The following MEIS1 variants were observed in gnomAD, a reference collection of about 807,000 sequenced individuals.
MEIS1 encodes homeobox protein Meis1.
MEIS1 carries 5 observed loss-of-function variants against 50.8 expected under a neutral mutation model. The observed-to-expected ratio is 0.10, with a 90% CI of 0.05 to 0.21. The LOEUF (loss-of-function observed/expected upper bound fraction) is 0.21, where lower values mean the gene tolerates loss of function less well. Among genes scored for constraint, MEIS1 ranks in the 10% least tolerant of loss-of-function variants. The pLI is 1.00. For synonymous variants in MEIS1, 176 were observed against 179.3 expected (o/e 0.98, Z 0.15); for missense variants, 318 against 517.3 (o/e 0.61, Z 3.74).
At chr2:66,439,602 G>A (rs1362040205) in intron 2 of MEIS1, 4 of 1,536,390 alleles carry the variant, frequency 2.6e-6, no homozygotes, top group East Asian at 2.4e-5. Context: ...GGCCAGATAC[G>A]CTAAACCGAT....
At chr2:66,550,600 A>T (rs1240046724) in intron 9 of MEIS1, among the ~76,000 whole-genome samples, 1 of 151,918 alleles carries the variant, frequency 6.6e-6, no homozygotes, top group Non-Finnish European at 1.5e-5. Flanking sequence ...TAGCTCAAGT[A>T]ATCCTCCTGA....
At chr2:66,509,245 T>C (rs1290814878) in intron 7 of MEIS1, 5 of 343,376 alleles carry the variant, frequency 1.5e-5, no homozygotes, top group African/African-American at 1.1e-4. Flanking sequence ...GCTTTTAGAA[T>C]AGTCTGTTTT....
chr2:66,510,545 A>G (rs1296547310), intron 7 of MEIS1, among the ~76,000 whole-genome samples: 4 of 152,216 alleles, frequency 2.6e-5, no homozygotes, highest in African/African-American at 9.6e-5. Context: ...CAGATTTTTA[A>G]TGAATAAAAG....
intron 9 of MEIS1, among the ~76,000 whole-genome samples, chr2:66,554,902 C>G (rs1241520675): frequency 3.9e-5 from 6 of 152,074 alleles, no homozygotes; most frequent in Admixed American, 3.9e-4. Context: ...AACATTATCA[C>G]AAGACATGAA....
chr2:66,462,405 G>T (rs1290092629), intron 6 of MEIS1, among the ~76,000 whole-genome samples: 2 of 152,170 alleles, frequency 1.3e-5, no homozygotes, highest in African/African-American at 2.4e-5. Context: ...CACATGTCTT[G>T]CTGGTCTTTT....
intron 8 of MEIS1, among the ~76,000 whole-genome samples, chr2:66,513,003 G>A (rs1363242752): frequency 1.3e-5 from 2 of 152,088 alleles, no homozygotes; most frequent in Non-Finnish European, 2.9e-5. Context: ...GCCACTGGGG[G>A]ATTTGTTTTG....
intron 5 of MEIS1, among the ~76,000 whole-genome samples, chr2:66,442,052 C>T (rs1034841036): frequency 2.6e-5 from 4 of 152,108 alleles, no homozygotes; most frequent in African/African-American, 9.7e-5. Flanking sequence ...GCACACACTC[C>T]ACCTTCACAC....
rs144670268 is a variant in MEIS1, at chr2:66,476,440, A to C, written c.742+12220A>C. ...AATATTCCCATTTATTAACTGAATTAATTAAATGTCCACTGCATACCGGTC... is the reference window on the plus strand; with the variant it reads ...AATATTCCCATTTATTAACTGAATTCATTAAATGTCCACTGCATACCGGTC... On this transcript the variant is annotated intron_variant, in intron 7 of 12. Coordinates refer to ENST00000272369, the MANE Select transcript of MEIS1 (RefSeq NM_002398.3). Among the ~76,000 whole-genome samples the C allele has an allele frequency of 8.5e-4, 129 of 152,244 alleles. 1 individual carries two copies. Among genetic ancestry groups the C allele is most frequent in the Non-Finnish European group, 1.5e-3 (103 of 68,044 alleles).
At chr2:66,543,640 T>G (rs1205351117) in intron 8 of MEIS1, among the ~76,000 whole-genome samples, 2 of 152,210 alleles carry the variant, frequency 1.3e-5, no homozygotes, top group African/African-American at 4.8e-5. Flanking sequence ...TGGGAAACAC[T>G]CGAGAAAGAA....
intron 9 of MEIS1, among the ~76,000 whole-genome samples, chr2:66,550,601 ATCC>A (rs1335178986): frequency 6.6e-6 from 1 of 151,924 alleles, no homozygotes; most frequent in Non-Finnish European, 1.5e-5. Flanking sequence ...AGCTCAAGTA[ATCC>A]TCCTGACTCA....
At chr2:66,464,994 G>T (rs1052635327) in intron 7 of MEIS1, among the ~76,000 whole-genome samples, 1 of 152,176 alleles carries the variant, frequency 6.6e-6, no homozygotes, top group Non-Finnish European at 1.5e-5. Context: ...GTTTAAAAGA[G>T]AATTCTTTAT....
At chr2:66,564,047 G>A (rs777518485) in intron 9 of MEIS1, among the ~76,000 whole-genome samples, 2 of 152,058 alleles carry the variant, frequency 1.3e-5, no homozygotes, top group African/African-American at 4.8e-5. Flanking sequence ...ATTCAGTAAC[G>A]TTCTGAGAGA....
At position 66,440,136 on chromosome 2, in the gene MEIS1, A is replaced by G; in HGVS notation, c.381+152A>G. 9 of 776,116 alleles carry G rather than the reference A, an allele frequency of 1.2e-5. 1 individual carries two copies. The South Asian group carries it at 1.7e-4, about 15-fold the overall frequency. The allele number at this position is 776,116 out of a possible 1,614,324, so 48.1% of individuals were successfully genotyped here. ...GCCAGCACGTAGTCGGCCTTAAGCCATGCATGTTACCTCCAACCTCAGATT... is the reference window on the plus strand; with the variant it reads ...GCCAGCACGTAGTCGGCCTTAAGCCGTGCATGTTACCTCCAACCTCAGATT... On this transcript the variant is annotated intron_variant, in intron 3 of 12. Coordinates refer to ENST00000272369, the MANE Select transcript of MEIS1 (RefSeq NM_002398.3).
Position 66,441,524 on chromosome 2 carries a change from A to C in MEIS1, c.483+60A>C. The C allele has an allele frequency of 3.6e-6, 5 of 1,372,730 alleles. No individual in the cohort carries two copies. The Middle Eastern group carries it at 5.8e-4, about 158-fold the overall frequency. 85.0% of individuals were successfully genotyped at this position (1,372,730 alleles called of 1,614,324 possible). A position where few individuals can be genotyped will look rare whatever the true frequency, so the allele number is the denominator to read the frequency against. On this transcript the variant is annotated intron_variant, in intron 5 of 12. Coordinates refer to ENST00000272369, the MANE Select transcript of MEIS1 (RefSeq NM_002398.3). ...CCTTACCCCCAAACACACAGGGGGG[A>C]GGGTTCCGAATGGCTGAAGTTCAGC... is the stretch of plus-strand genomic sequence containing the variant.
intron 7 of MEIS1, among the ~76,000 whole-genome samples, chr2:66,481,700 T>C (rs1673019651): frequency 6.6e-6 from 1 of 152,126 alleles, no homozygotes; most frequent in South Asian, 2.1e-4. Flanking sequence ...GATGTAACTT[T>C]TCCAACTCTG....
chr2:66,535,915 A>G (rs751146813), intron 8 of MEIS1, among the ~76,000 whole-genome samples: 2 of 152,262 alleles, frequency 1.3e-5, no homozygotes, highest in Non-Finnish European at 2.9e-5. Flanking sequence ...TGCACAGAAT[A>G]GAGAAAATTA....
intron 7 of MEIS1, among the ~76,000 whole-genome samples, chr2:66,495,596 T>C (rs1417075760): frequency 1.3e-5 from 2 of 152,278 alleles, no homozygotes; most frequent in African/African-American, 2.4e-5. Flanking sequence ...TAAATTATAC[T>C]CTCATAGACC....
intron 7 of MEIS1, among the ~76,000 whole-genome samples, chr2:66,478,291 A>G (rs945174131): frequency 1.3e-5 from 2 of 152,216 alleles, no homozygotes; most frequent in Non-Finnish European, 2.9e-5. Context: ...CATTGCTTTT[A>G]GGCCCCAAGA....
At chr2:66,564,594 G>T (rs927610026) in intron 9 of MEIS1, among the ~76,000 whole-genome samples, 7 of 152,120 alleles carry the variant, frequency 4.6e-5, no homozygotes, top group Non-Finnish European at 8.8e-5. Context: ...AGGGGAGAAG[G>T]CTATAAAGCA....
Sources: gnomAD v4.1 joint callset for allele counts (sites outside exome capture counted in the v4.1 genomes callset) on GRCh38, gnomAD v4.1.1 for gene constraint, MANE v1.5 for transcripts, NCBI Gene and HGNC (gene_info 2026-07-23, HGNC 2026-07-21) for gene names.